CDH4: variants seen among roughly 807,000 people sequenced by gnomAD.
CDH4 encodes cadherin-4.
In CDH4, 33 loss-of-function variants were observed where a neutral mutation model predicts 86.0. The ratio of observed to expected loss-of-function variants is 0.38; its 90% confidence interval spans 0.29 to 0.51. The LOEUF is 0.51. Ranked by LOEUF, CDH4 falls within the 20% of genes least tolerant of loss-of-function variation. CDH4 has a pLI of 0.86. For synonymous variants in CDH4, 555 were observed against 549.4 expected (o/e 1.01, Z -0.14); for missense variants, 1,114 against 1,307.4 (o/e 0.85, Z 2.28).
intron 2 of CDH4, among the ~76,000 whole-genome samples, chr20:61,666,048 C>G (rs1485400107): frequency 6.6e-6 from 1 of 152,174 alleles, no homozygotes; most frequent in Non-Finnish European, 1.5e-5. Context: ...CCAGCCAGCC[C>G]CACCCAAATG....
intron 2 of CDH4, among the ~76,000 whole-genome samples, chr20:61,635,876 C>T (rs2086941437): frequency 6.6e-6 from 1 of 152,130 alleles, no homozygotes; most frequent in African/African-American, 2.4e-5. Flanking sequence ...GAGCAGGGGG[C>T]AGGACACAGG....
At chr20:61,447,323 A>ATTTT (rs71331923) in intron 2 of CDH4, among the ~76,000 whole-genome samples, 4 of 110,836 alleles carry the variant, frequency 3.6e-5, no homozygotes, top group East Asian at 2.8e-4. Context: ...CGCCCAGCTG[A>ATTTT]TTTTTTTTTT....
chr20:61,466,806 G>A lies in CDH4; in HGVS notation c.169+211869G>A, dbSNP rs1299706260. Among the ~76,000 whole-genome samples the A allele has an allele frequency of 4.7e-5, 7 of 148,396 alleles. No homozygotes were observed. In the Admixed American group the frequency reaches 4.9e-4, roughly 10 times the overall value. On this transcript the variant is annotated intron_variant, in intron 2 of 15. Transcript: ENST00000614565. ...GCAGAGGTTGCATTGAGCCAAGAAC[G>A]CACCACTGCACTCCAGCCTGGGTGA...
intron 6 of CDH4, among the ~76,000 whole-genome samples, chr20:61,862,782 C>T (rs1344627114): frequency 6.6e-6 from 1 of 152,312 alleles, no homozygotes; most frequent in Admixed American, 6.5e-5. Flanking sequence ...TCTAACCCCT[C>T]GTAACTGTGT....
chr20:61,352,713 G>T (rs1186120543), intron 2 of CDH4, among the ~76,000 whole-genome samples: 1 of 152,150 alleles, frequency 6.6e-6, no homozygotes, highest in African/African-American at 2.4e-5. Flanking sequence ...GCTGTTTCTT[G>T]TTGGTTTGCA....
At chr20:61,653,466 G>C (rs1428410097) in intron 2 of CDH4, among the ~76,000 whole-genome samples, 9 of 134,162 alleles carry the variant, frequency 6.7e-5, no homozygotes, top group South Asian at 2.3e-4. Flanking sequence ...CCTCCCAGAC[G>C]GGGTCGTGGC....
intron 15 of CDH4, 67 bp from the exon 16 acceptor site, chr20:61,936,670 C>T (rs906463591): frequency 1.8e-5 from 24 of 1,340,332 alleles, no homozygotes; most frequent in African/African-American, 3.0e-5. Context: ...CCTCGCTTTC[C>T]GTTCCATCTG....
At chr20:61,900,951 G>A (rs535583873) in intron 8 of CDH4, among the ~76,000 whole-genome samples, 5 of 152,344 alleles carry the variant, frequency 3.3e-5, no homozygotes, top group South Asian at 2.1e-4. Context: ...TATGGCCATC[G>A]TGGCTGTTGT....
intron 2 of CDH4, among the ~76,000 whole-genome samples, chr20:61,643,254 G>A (rs532339096): frequency 3.3e-5 from 5 of 152,252 alleles, no homozygotes; most frequent in South Asian, 2.1e-4. Flanking sequence ...GCCCACTTTC[G>A]TGGTAACGAC....
At chr20:61,608,283 T>C (rs1437229867) in intron 2 of CDH4, among the ~76,000 whole-genome samples, 1 of 152,188 alleles carries the variant, frequency 6.6e-6, no homozygotes, top group Non-Finnish European at 1.5e-5. Flanking sequence ...CAGGGAAATA[T>C]CTTGATGTTA....
intron 2 of CDH4, among the ~76,000 whole-genome samples, chr20:61,472,183 C>T (rs1283117571): frequency 2.0e-5 from 3 of 152,156 alleles, no homozygotes; most frequent in Non-Finnish European, 4.4e-5. Context: ...TCTGGGTGAT[C>T]CCTTGTTGGG....
intron 4 of CDH4, among the ~76,000 whole-genome samples, chr20:61,785,983 T>G (rs1048741515): frequency 1.3e-5 from 2 of 152,282 alleles, no homozygotes; most frequent in African/African-American, 4.8e-5. Context: ...GGAGCCAGCT[T>G]GAGTCTGGGT....
At chr20:61,403,173 C>G (rs1316963506) in intron 2 of CDH4, among the ~76,000 whole-genome samples, 1 of 152,196 alleles carries the variant, frequency 6.6e-6, no homozygotes, top group Non-Finnish European at 1.5e-5. Context: ...ATGAGGGGAT[C>G]TTGAAGAGGC....
Position 61,659,025 on chromosome 20 carries a change from G to A in CDH4, c.170-84538G>A, listed in dbSNP as rs111253535. 1.0e-2 allele frequency among the ~76,000 whole-genome samples: 1,518 copies of A among 152,276 alleles called. 13 individuals carry two copies. The highest frequency in any genetic ancestry group is 0.016 in the Non-Finnish European group (1,118 of 68,028). On this transcript the variant is annotated intron_variant, in intron 2 of 15. Coordinates refer to ENST00000614565, the MANE Select transcript of CDH4 (RefSeq NM_001794.5). ...CTGCTGTGGCTGGTCTTGAACTCAT[G>A]GTGAGAATCAACCTCATACTCCAAT...
intron 2 of CDH4, among the ~76,000 whole-genome samples, chr20:61,520,311 T>C (rs2085859303): frequency 6.6e-6 from 1 of 152,204 alleles, no homozygotes; most frequent in Non-Finnish European, 1.5e-5. Context: ...TGCTGGACCC[T>C]GAGAGGCAGT....
chr20:61,785,078 A>G (rs536311625), intron 4 of CDH4, among the ~76,000 whole-genome samples: 16 of 152,260 alleles, frequency 1.1e-4, no homozygotes, highest in Non-Finnish European at 1.9e-4. Flanking sequence ...AGGCGGGGTC[A>G]GGACACTCCT....
intron 4 of CDH4, among the ~76,000 whole-genome samples, chr20:61,809,118 A>T (rs1980293615): frequency 6.6e-6 from 1 of 152,256 alleles, no homozygotes; most frequent in Non-Finnish European, 1.5e-5. Context: ...CTCTGGACCC[A>T]GACCTTTGAT....
At chr20:61,468,362 T>TTCTTTC (rs1033480608) in intron 2 of CDH4, among the ~76,000 whole-genome samples, 1 of 54,354 alleles carries the variant, frequency 1.8e-5, no homozygotes, top group South Asian at 3.8e-4. Context: ...TAAGGTTAAA[T>TTCTTTC]TCTTTCTCTT....
intron 2 of CDH4, among the ~76,000 whole-genome samples, chr20:61,573,026 A>T (rs368909104): frequency 4.3e-4 from 41 of 96,356 alleles, no homozygotes; most frequent in Middle Eastern, 5.8e-3. Flanking sequence ...GGATGGATGG[A>T]TGGTTGGATG....
Sources: allele counts gnomAD v4.1 joint callset (sites outside exome capture counted in the v4.1 genomes callset), GRCh38; gene constraint gnomAD v4.1.1; transcripts MANE v1.5; gene names NCBI Gene and HGNC (gene_info 2026-07-23, HGNC 2026-07-21).